The following TNRC18 variants were observed in gnomAD, a reference collection of about 807,000 sequenced individuals.
The protein encoded by TNRC18 is trinucleotide repeat-containing gene 18 protein.
Under a neutral mutation model 226.7 loss-of-function variants are expected in TNRC18, and 69 were observed. The observed-to-expected ratio is 0.30, with a 90% CI of 0.25 to 0.37. The LOEUF (loss-of-function observed/expected upper bound fraction) is 0.37. Among genes scored for constraint, TNRC18 ranks in the 10% least tolerant of loss-of-function variants. The pLI, the probability that TNRC18 is intolerant of heterozygous loss-of-function variation, is 1.00. For missense variants in TNRC18, 4,754 were observed against 4,256.6 expected (o/e 1.12, Z -3.25); for synonymous variants, 2,449 against 1,927.6 (o/e 1.27, Z -7.09).
rs67430912 is a variant in TNRC18, at chr7:5,356,738, T to TCC, written c.5194+176_5194+177dup. Among the ~76,000 whole-genome samples, 911 of 143,902 alleles carry TCC rather than the reference T, an allele frequency of 6.3e-3. 6 individuals are homozygous for TCC. The highest frequency in any genetic ancestry group is 0.014 in the South Asian group (64 of 4,492). The allele number at this position is 143,902 out of a possible 152,430, so 94.4% of individuals were successfully genotyped here. On this transcript the variant is annotated intron_variant, in intron 16 of 29. Transcript: ENST00000430969. ...ACAGGCATATCCGCTTCAGGCGGCC[T>TCC]CCCCCCCCACTTCCGGCTTGGAGGC...
At position 5,332,756 on chromosome 7, in the gene TNRC18, G is replaced by A; in HGVS notation, c.6013C>T (p.His2005Tyr). 1 of 1,519,990 alleles carries A rather than the reference G, an allele frequency of 6.6e-7. No individual in the cohort carries two copies. 94.2% of individuals were successfully genotyped at this position (1,519,990 alleles called of 1,614,324 possible). The change falls in exon 19 of 30, where the codon CAC becomes TAC. Residue 2005 changes from histidine to tyrosine, a missense_variant. Transcript: ENST00000430969. ...TRRRSERIFL[H>Y]DASAAAPAPV... ...GCAGGTGCAGCAGCCGAGGCGTCGT[G>A]CAGGAAGATGCGCTCGCTGCGGCGC...
At chr7:5,332,557 AG>A in intron 19 of TNRC18, 64 bp downstream of exon 19, 1 of 1,438,576 alleles carries the variant, frequency 7.0e-7, no homozygotes, top group Non-Finnish European at 9.2e-7. Context: ...GGGAGGGGAG[AG>A]GGCCCCTCCC....
At chr7:5,353,860 A>G (rs1017847741) in intron 16 of TNRC18, among the ~76,000 whole-genome samples, 3 of 152,168 alleles carry the variant, frequency 2.0e-5, no homozygotes, top group Non-Finnish European at 2.9e-5. Flanking sequence ...TCTCTCATCC[A>G]GGACAGTGGA....
chr7:5,319,051 C>A (rs2128110855), intron 24 of TNRC18, among the ~76,000 whole-genome samples: 1 of 152,286 alleles, frequency 6.6e-6, no homozygotes, highest in South Asian at 2.1e-4. Context: ...AGAATGATAC[C>A]CATGAGGCAG....
chr7:5,368,535 G>A (rs764573628), intron 11 of TNRC18, among the ~76,000 whole-genome samples: 40 of 151,724 alleles, frequency 2.6e-4, no homozygotes, highest in African/African-American at 8.2e-4. Context: ...ATGGTGGTGC[G>A]TGCCTGTAAT....
chr7:5,359,484 G>T lies in TNRC18; in HGVS notation c.4747C>A (p.His1583Asn). The T allele has an allele frequency of 6.2e-7, 1 of 1,613,994 alleles. No homozygotes were observed. The highest frequency in any genetic ancestry group is 8.5e-7 in the Non-Finnish European group (1 of 1,179,880). Reference protein sequence around the residue: ...RKRHKGSEEEHDALIGMGKAR... With the variant: ...RKRHKGSEEENDALIGMGKAR... ...TTCCCCATTCCGATGAGGGCATCAT[G>T]TTCCTCCTCAGACCCCTTGTGTCTC... The change falls in exon 15 of 30, where the codon CAT (histidine) becomes AAT (asparagine). Residue 1583 changes from histidine (H) to asparagine (N), a missense_variant. Transcript: ENST00000430969.
chr7:5,418,627 C>T (rs566657721), intron 2 of TNRC18, among the ~76,000 whole-genome samples: 7 of 152,294 alleles, frequency 4.6e-5, no homozygotes, highest in Admixed American at 4.6e-4. Flanking sequence ...GTGGCTCAAC[C>T]GCTCAGGACT....
intron 2 of TNRC18, among the ~76,000 whole-genome samples, chr7:5,403,209 G>A (rs1438588200): frequency 2.0e-5 from 3 of 150,684 alleles, no homozygotes; most frequent in African/African-American, 7.4e-5. Flanking sequence ...TGCCCAGGCT[G>A]GAGTGCAATG....
chr7:5,388,671 G>C lies in TNRC18; in HGVS notation c.1153C>G (p.Pro385Ala). Reference protein sequence around the residue: ...VPSVEAFDERPGPIQIASQAR... With the variant: ...VPSVEAFDERAGPIQIASQAR... ...TGGGATGCGATCTGGATGGGCCCCG[G>C]GCGCTCGTCGAAGGCCTCCACGGAA... is the stretch of plus-strand genomic sequence containing the variant. The change falls in exon 5 of 30, where the codon CCG (proline) becomes GCG (alanine). Residue 385 changes from proline (P) to alanine (A), a missense_variant. Coordinates refer to ENST00000430969, the MANE Select transcript of TNRC18 (RefSeq NM_001080495.3). The C allele has an allele frequency of 7.9e-7, 1 of 1,268,970 alleles. No homozygotes were observed. The highest frequency in any genetic ancestry group is 2.1e-5 in the South Asian group (1 of 48,074). The allele number at this position is 1,268,970 out of a possible 1,614,324, so 78.6% of individuals were successfully genotyped here. A position where few individuals can be genotyped will look rare whatever the true frequency, so the allele number is the denominator to read the frequency against.
chr7:5,339,657 C>T (rs1790490061), intron 18 of TNRC18, among the ~76,000 whole-genome samples: 1 of 151,694 alleles, frequency 6.6e-6, no homozygotes, highest in African/African-American at 2.4e-5. Flanking sequence ...GCAAACTCTG[C>T]CTCCCAGGTT....
Position 5,388,505 on chromosome 7 carries a change from G to T in TNRC18, c.1319C>A (p.Pro440His). ...CCGCACCGTGGGGGCATCCGCGGGG[G>T]GCGGCCGCTTGAGCGAGCGGATGAC... is the stretch of plus-strand genomic sequence containing the variant. ...NSVIRSLKRPPPADAPTVRAT... is the reference protein window; with the variant it reads ...NSVIRSLKRPHPADAPTVRAT... The change falls in exon 5 of 30, where the codon CCC (proline) becomes CAC (histidine). Residue 440 changes from proline to histidine, a missense_variant. By Grantham distance (77) the Pro-to-His change is moderately conservative. Coordinates refer to ENST00000430969, the MANE Select transcript of TNRC18 (RefSeq NM_001080495.3). 2 of 1,333,836 alleles carry T rather than the reference G, an allele frequency of 1.5e-6. No individual in the cohort carries two copies. Among genetic ancestry groups the T allele is most frequent in the Non-Finnish European group, 1.9e-6 (2 of 1,047,348 alleles). 82.6% of individuals were successfully genotyped at this position (1,333,836 alleles called of 1,614,324 possible). A position where few individuals can be genotyped will look rare whatever the true frequency, so the allele number is the denominator to read the frequency against.
intron 5 of TNRC18, among the ~76,000 whole-genome samples, chr7:5,379,170 C>A (rs980811583): frequency 6.6e-6 from 1 of 151,670 alleles, no homozygotes; most frequent in Non-Finnish European, 1.5e-5. Flanking sequence ...GCACTCCAGC[C>A]TGGACAACAG....
rs764388706 is a variant in TNRC18, at chr7:5,371,414, A to G, written c.3230-50T>C. The G allele has an allele frequency of 2.0e-6, 3 of 1,465,406 alleles. 1 individual carries two copies. The South Asian group carries it at 4.3e-5, about 21-fold the overall frequency. The allele number at this position is 1,465,406 out of a possible 1,614,324, so 90.8% of individuals were successfully genotyped here. On this transcript the variant is annotated intron_variant, in intron 10 of 29. Transcript: ENST00000430969. ...TGGGAGCCCTAGGATCTGATATCCC[A>G]TGTCCCCACTGACACCCGCCCACCA...
intron 2 of TNRC18, among the ~76,000 whole-genome samples, chr7:5,404,266 G>T (rs926427084): frequency 6.6e-6 from 1 of 152,136 alleles, no homozygotes; most frequent in African/African-American, 2.4e-5. Context: ...AGCTACTCAG[G>T]AGGCTGAGGC....
chr7:5,399,750 G>A (rs1348127416), intron 2 of TNRC18, among the ~76,000 whole-genome samples: 1 of 152,094 alleles, frequency 6.6e-6, no homozygotes, highest in African/African-American at 2.4e-5. Flanking sequence ...CGGCACGATG[G>A]CTCACACCTA....
At chr7:5,416,504 T>G (rs1160633039) in intron 2 of TNRC18, among the ~76,000 whole-genome samples, 1 of 152,232 alleles carries the variant, frequency 6.6e-6, no homozygotes, top group Non-Finnish European at 1.5e-5. Flanking sequence ...GATGATCTCT[T>G]GAGCCCAGGA....
chr7:5,327,381 G>T (rs764800391), intron 19 of TNRC18, among the ~76,000 whole-genome samples: 1 of 98,464 alleles, frequency 1.0e-5, no homozygotes, highest in Non-Finnish European at 2.1e-5. Flanking sequence ...GCGTGTGTGT[G>T]TGTGTGTGTG....
Position 5,324,100 on chromosome 7 carries a change from GT to G in TNRC18, c.6442+113del. 1 of 1,225,036 alleles carries G rather than the reference GT, an allele frequency of 8.2e-7. No homozygotes were observed. Among genetic ancestry groups the G allele is most frequent in the East Asian group, 2.6e-5 (1 of 39,138 alleles). The allele number at this position is 1,225,036 out of a possible 1,614,324, so 75.9% of individuals were successfully genotyped here. On this transcript the variant is annotated intron_variant, in intron 21 of 29. Coordinates refer to ENST00000430969, the MANE Select transcript of TNRC18 (RefSeq NM_001080495.3). The surrounding 1 kb of genome is among the most constrained non-coding windows in gnomAD (Gnocchi z 4.8). ...CAGCCTCAGGATCTCTGCTCCTGTGGTTCCCTGCCCCCAGCTAGCCCAGCCC... is the reference window on the plus strand; with the variant it reads ...CAGCCTCAGGATCTCTGCTCCTGTGGTCCCTGCCCCCAGCTAGCCCAGCCC...
In TNRC18 at chr7:5,324,883, G is replaced by C. The variant is rs1052914356; in HGVS notation, c.6300+213C>G. Among the ~76,000 whole-genome samples the C allele has an allele frequency of 2.6e-5, 4 of 152,218 alleles. No individual in the cohort carries two copies. Among genetic ancestry groups the C allele is most frequent in the Admixed American group, 2.6e-4 (4 of 15,280 alleles). On this transcript the variant is annotated intron_variant, in intron 20 of 29. Transcript: ENST00000430969. This position sits in a 1 kb window ranked among gnomAD's most constrained non-coding sequence, Gnocchi z 4.8. Reference sequence around the variant, plus strand: ...GTTCCAGTGTCCCTCGCCCCCGCTAGAGCAGACATTTCCTGAGGACAGGAG... The same window carrying C: ...GTTCCAGTGTCCCTCGCCCCCGCTACAGCAGACATTTCCTGAGGACAGGAG...
Sources: allele counts gnomAD v4.1 joint callset (sites outside exome capture counted in the v4.1 genomes callset), GRCh38; gene constraint gnomAD v4.1.1; non-coding constraint Gnocchi (gnomAD v3.1); transcripts MANE v1.5; gene names NCBI Gene and HGNC (gene_info 2026-07-23, HGNC 2026-07-21).